Variants in ARHGAP32 observed in about 807,000 individuals in gnomAD.
ARHGAP32 encodes the protein Rho GTPase activating protein 32, also known as rho GTPase-activating protein 32.
Under a neutral mutation model 186.5 loss-of-function variants are expected in ARHGAP32, and 51 were observed. That is an observed-to-expected ratio of 0.27 (90% CI 0.22 to 0.35). ARHGAP32 has a LOEUF of 0.35. ARHGAP32 is among the 10% of genes least tolerant of loss of function. ARHGAP32 has a pLI of 1.00. For missense variants in ARHGAP32, 2,186 were observed against 2,623.5 expected, an observed-to-expected ratio of 0.83 and a Z score of 3.64; for synonymous variants, 950 against 964.3, an observed-to-expected ratio of 0.99 and a Z score of 0.27.
intron 11 of ARHGAP32, chr11:129,023,710 G>A (rs2134910737): frequency 5.5e-6 from 1 of 180,848 alleles, no homozygotes; most frequent in Middle Eastern, 2.9e-3. Flanking sequence ...TTCAAGTGCT[G>A]AATTTCTAGA....
intron 2 of ARHGAP32, among the ~76,000 whole-genome samples, chr11:129,161,460 G>GA (rs200849168): frequency 1.9e-3 from 281 of 146,528 alleles, no homozygotes; most frequent in South Asian, 3.2e-3. Context: ...AAATTTACAA[G>GA]AAAAAAAAAA....
At chr11:129,199,066 C>T (rs923685919) in intron 1 of ARHGAP32, among the ~76,000 whole-genome samples, 2 of 152,094 alleles carry the variant, frequency 1.3e-5, no homozygotes, top group African/African-American at 4.8e-5. Flanking sequence ...GAACTTTGAA[C>T]TTGAGGGAGA....
intron 5 of ARHGAP32, among the ~76,000 whole-genome samples, chr11:129,100,505 C>A (rs1456600313): frequency 6.6e-6 from 1 of 152,168 alleles, no homozygotes; most frequent in Admixed American, 6.5e-5. Context: ...GAGGCCATGG[C>A]AACTCCACAC....
chr11:129,189,106 C>A (rs1274202536), intron 1 of ARHGAP32, among the ~76,000 whole-genome samples: 1 of 151,986 alleles, frequency 6.6e-6, no homozygotes, highest in Non-Finnish European at 1.5e-5. Context: ...TGCTCATAAC[C>A]TCCTCAAAAA....
chr11:129,137,261 T>C (rs1565440129), intron 2 of ARHGAP32, among the ~76,000 whole-genome samples: 1 of 151,860 alleles, frequency 6.6e-6, no homozygotes, highest in Admixed American at 6.6e-5. Flanking sequence ...TAAAAACTAA[T>C]TTAGATGCTT....
At chr11:129,042,901 C>A (rs1463039077) in intron 10 of ARHGAP32, among the ~76,000 whole-genome samples, 1 of 152,010 alleles carries the variant, frequency 6.6e-6, no homozygotes, top group Non-Finnish European at 1.5e-5. Context: ...ACTGCTCATG[C>A]CGAGGAGATG....
At chr11:129,266,592 A>T (rs754514745) in intron 1 of ARHGAP32, among the ~76,000 whole-genome samples, 2 of 152,156 alleles carry the variant, frequency 1.3e-5, no homozygotes, top group Non-Finnish European at 2.9e-5. Context: ...ATCACATCTA[A>T]TTTGAGGCAC....
intron 1 of ARHGAP32, among the ~76,000 whole-genome samples, chr11:129,246,510 A>G (rs1448855300): frequency 6.6e-6 from 1 of 152,252 alleles, no homozygotes; most frequent in African/African-American, 2.4e-5. Flanking sequence ...TAAAATTATG[A>G]AAGCCAATAC....
intron 6 of ARHGAP32, among the ~76,000 whole-genome samples, chr11:129,083,422 C>T (rs1234098566): frequency 1.3e-5 from 2 of 152,168 alleles, no homozygotes; most frequent in African/African-American, 2.4e-5. Flanking sequence ...GCATTCACAG[C>T]AACCTGGATG....
At chr11:129,051,831 T>TGTA (rs1264556491) in intron 10 of ARHGAP32, among the ~76,000 whole-genome samples, 3 of 151,878 alleles carry the variant, frequency 2.0e-5, no homozygotes, top group Non-Finnish European at 4.4e-5. Context: ...GGCCTGCGCC[T>TGTA]GTAGTCCCAA....
chr11:129,074,920 G>A (rs1940989159), intron 6 of ARHGAP32, among the ~76,000 whole-genome samples: 1 of 152,118 alleles, frequency 6.6e-6, no homozygotes, highest in African/African-American at 2.4e-5. Flanking sequence ...GCAAAAAAAG[G>A]TAACTGTGAG....
At chr11:129,051,883 A>T (rs1171919597) in intron 10 of ARHGAP32, among the ~76,000 whole-genome samples, 2 of 136,790 alleles carry the variant, frequency 1.5e-5, no homozygotes, top group Admixed American at 1.7e-4. Context: ...TGAACCCAGG[A>T]GGCGGAGGTT....
chr11:128,998,104 C>T (rs1164615943), intron 12 of ARHGAP32, among the ~76,000 whole-genome samples: 3 of 152,066 alleles, frequency 2.0e-5, no homozygotes, highest in Middle Eastern at 3.2e-3. Flanking sequence ...CTACTCTTCC[C>T]GAATAGAACA....
At chr11:129,267,299 G>A (rs1265966369) in intron 1 of ARHGAP32, among the ~76,000 whole-genome samples, 1 of 152,154 alleles carries the variant, frequency 6.6e-6, no homozygotes, top group Non-Finnish European at 1.5e-5. Flanking sequence ...GGGAGGCGGA[G>A]GTTTCAGTAA....
chr11:129,268,776 A>G (rs1034052828), intron 1 of ARHGAP32, among the ~76,000 whole-genome samples: 1 of 150,716 alleles, frequency 6.6e-6, no homozygotes, highest in Non-Finnish European at 1.5e-5. Context: ...TTCACCCTCC[A>G]GCAAATCACA....
intron 1 of ARHGAP32, among the ~76,000 whole-genome samples, chr11:129,262,531 A>G (rs979132702): frequency 2.0e-4 from 30 of 152,030 alleles, no homozygotes; most frequent in Middle Eastern, 3.4e-3. Context: ...TTACAGGCAT[A>G]TGCCACCATA....
chr11:129,242,170 A>G (rs557971209), intron 1 of ARHGAP32, among the ~76,000 whole-genome samples: 26 of 152,302 alleles, frequency 1.7e-4, no homozygotes, highest in African/African-American at 6.0e-4. Flanking sequence ...GGGTGAGACA[A>G]GCAAACCACC....
intron 1 of ARHGAP32, among the ~76,000 whole-genome samples, chr11:129,172,059 A>G (rs1943775747): frequency 6.6e-6 from 1 of 152,170 alleles, no homozygotes; most frequent in Non-Finnish European, 1.5e-5. Flanking sequence ...CAGTTCAAGG[A>G]GTTTTTGGGC....
intron 1 of ARHGAP32, among the ~76,000 whole-genome samples, chr11:129,244,485 T>C (rs1382077731): frequency 6.6e-6 from 1 of 152,208 alleles, no homozygotes; most frequent in Non-Finnish European, 1.5e-5. Flanking sequence ...CTATCAATAA[T>C]GTACGAAGGT....
Sources: allele counts gnomAD v4.1 joint callset (sites outside exome capture counted in the v4.1 genomes callset), GRCh38; gene constraint gnomAD v4.1.1; transcripts MANE v1.5; gene names NCBI Gene and HGNC (gene_info 2026-07-23, HGNC 2026-07-21).